USP28: variants seen among roughly 807,000 people sequenced by gnomAD.
USP28 encodes ubiquitin carboxyl-terminal hydrolase 28.
Under a neutral mutation model 145.0 loss-of-function variants are expected in USP28, and 113 were observed. That is an observed-to-expected ratio of 0.78 (90% confidence interval 0.67 to 0.91). The LOEUF (loss-of-function observed/expected upper bound fraction) is 0.91, where lower values mean the gene tolerates loss of function less well. Among genes scored for constraint, USP28 ranks in the 40% least tolerant of loss-of-function variants. The pLI, the probability that USP28 is intolerant of heterozygous loss-of-function variation, is 0.00. For missense variants in USP28, 1,201 were observed against 1,289.6 expected, an observed-to-expected ratio of 0.93 and a Z score of 1.05; for synonymous variants, 447 against 450.9, an observed-to-expected ratio of 0.99 and a Z score of 0.11.
intron 1 of USP28, among the ~76,000 whole-genome samples, chr11:113,857,447 G>T (rs1047856563): frequency 5.9e-5 from 9 of 151,960 alleles, no homozygotes; most frequent in African/African-American, 9.7e-5. Flanking sequence ...AGGTTTTTTG[G>T]TTTTTTTGTT....
Position 113,834,325 on chromosome 11 carries a change from TGAAA to T in USP28, c.541_544del (p.Phe181AsnfsTer43), listed in dbSNP as rs1425302285. 1 of 1,608,208 alleles carries T rather than the reference TGAAA, an allele frequency of 6.2e-7. No individual in the cohort carries two copies. Among genetic ancestry groups the T allele is most frequent in the Non-Finnish European group, 8.5e-7 (1 of 1,177,090 alleles). ...AACAAGTCTTCGAAATTCAGGCAAT[TGAAA>T]GAGAGACTGAAATAAAGAAAGAAAG... On this transcript the variant is annotated frameshift_variant, in exon 6 of 25. Coordinates refer to ENST00000003302, the Ensembl canonical transcript of USP28. LOFTEE classifies it high-confidence loss of function.
intron 15 of USP28, 101 bp from the exon 16 acceptor site, chr11:113,812,605 G>C: frequency 6.9e-6 from 7 of 1,021,316 alleles, no homozygotes; most frequent in Non-Finnish European, 8.6e-6. Context: ...TTAATGTGGG[G>C]TTCATATTAA....
chr11:113,869,253 T>C (rs1205246563), intron 1 of USP28, among the ~76,000 whole-genome samples: 1 of 152,010 alleles, frequency 6.6e-6, no homozygotes, highest in Non-Finnish European at 1.5e-5. Flanking sequence ...GCCAACATGG[T>C]GAAACCCCGT....
chr11:113,874,800 T>A (rs1181944114), intron 1 of USP28: 17 of 1,107,500 alleles, frequency 1.5e-5, no homozygotes, highest in Non-Finnish European at 1.9e-5. Flanking sequence ...TTGATTTCAA[T>A]CTTCTTAGAC....
chr11:113,810,906 C>G (rs1287533474), intron 16 of USP28, among the ~76,000 whole-genome samples: 1 of 152,182 alleles, frequency 6.6e-6, no homozygotes, highest in African/African-American at 2.4e-5. Context: ...AACTCCTGGC[C>G]TCAAGTGATC....
Position 113,875,433 on chromosome 11 carries a change from C to T in USP28, c.57+12G>A. ...CCCGCCCCCAGCTCCCGCTCGCCGCCGCGGAGCCCACCGAGCCGTGGCCGT... is the reference window on the plus strand; with the variant it reads ...CCCGCCCCCAGCTCCCGCTCGCCGCTGCGGAGCCCACCGAGCCGTGGCCGT... On this transcript the variant is annotated intron_variant, in intron 1 of 24. Transcript: ENST00000003302. 1.6e-6 allele frequency: 2 copies of T among 1,246,876 alleles called. No individual in the cohort carries two copies. Among genetic ancestry groups the T allele is most frequent in the Non-Finnish European group, 2.0e-6 (2 of 989,676 alleles). 77.2% of individuals were successfully genotyped at this position (1,246,876 alleles called of 1,614,324 possible).
At chr11:113,827,871 T>C (rs536850354) in intron 10 of USP28, among the ~76,000 whole-genome samples, 3 of 152,334 alleles carry the variant, frequency 2.0e-5, no homozygotes. Flanking sequence ...CCTTTATATA[T>C]ACAAAGGAAA....
At chr11:113,809,105 A>G in exon 17 of USP28, 1 of 1,613,976 alleles carries the variant, frequency 6.2e-7, no homozygotes, top group Non-Finnish European at 8.5e-7. Flanking sequence ...TTGGTGGAGG[A>G]CTCCATTTGA....
intron 9 of USP28, among the ~76,000 whole-genome samples, chr11:113,829,680 C>A (rs531610240): frequency 1.6e-4 from 25 of 152,140 alleles, no homozygotes; most frequent in African/African-American, 5.8e-4. Flanking sequence ...TAAAAATTAT[C>A]CGGGTGCAGT....
At chr11:113,849,918 A>G (rs150331211) in intron 3 of USP28, among the ~76,000 whole-genome samples, 3 of 152,188 alleles carry the variant, frequency 2.0e-5, no homozygotes, top group Admixed American at 2.0e-4. Flanking sequence ...AGACCATGCA[A>G]ATGCTTTCAG....
At chr11:113,843,532 G>A (rs534179097) in intron 3 of USP28, among the ~76,000 whole-genome samples, 10 of 150,936 alleles carry the variant, frequency 6.6e-5, no homozygotes, top group East Asian at 6.0e-4. Context: ...TTAGCCAGGC[G>A]CGGTGGTGTA....
In USP28 at chr11:113,851,798, AAAAGTCC is replaced by A. The variant is rs1411368934; in HGVS notation, c.268+696_268+702del. The stretch of plus-strand genomic sequence containing the variant: ...AGACTCCATCTCAAAAAAAAAAAAA[AAAAGTCC>A]ATCCAATTGGAAATACAGTCCCCAG... On this transcript the variant is annotated intron_variant, in intron 3 of 24. Transcript: ENST00000003302. Among the ~76,000 whole-genome samples, 13 of 151,772 alleles carry A rather than the reference AAAAGTCC, an allele frequency of 8.6e-5. No individual in the cohort carries two copies. In the East Asian group the frequency reaches 2.5e-3, roughly 30 times the overall value.
At chr11:113,819,851 C>G (rs1428349353) in intron 12 of USP28, among the ~76,000 whole-genome samples, 4 of 152,204 alleles carry the variant, frequency 2.6e-5, no homozygotes, top group Non-Finnish European at 5.9e-5. Context: ...TCCCGAGTAG[C>G]TAGGACTACA....
intron 18 of USP28, 59 bp downstream of exon 18, chr11:113,808,239 C>A: frequency 1.3e-6 from 2 of 1,579,444 alleles, no homozygotes; most frequent in Non-Finnish European, 1.7e-6. Flanking sequence ...TGTGAGAAAA[C>A]TGGCCATCGC....
chr11:113,874,401 G>A, intron 1 of USP28: 1 of 997,076 alleles, frequency 1.0e-6, no homozygotes, highest in South Asian at 1.7e-5. Context: ...CTCCAGCCTA[G>A]GCAACAGAGG....
chr11:113,853,928 G>GT (rs1946760234), intron 2 of USP28, among the ~76,000 whole-genome samples: 1 of 150,348 alleles, frequency 6.7e-6, no homozygotes, highest in Admixed American at 6.7e-5. Context: ...ATAACAACAG[G>GT]TTTTTTCAAT....
intron 7 of USP28, 143 bp downstream of exon 7, chr11:113,833,277 G>T: frequency 8.7e-7 from 1 of 1,151,306 alleles, no homozygotes; most frequent in Non-Finnish European, 1.2e-6. Flanking sequence ...CACCTGTTCT[G>T]TAGGCAAAAC....
chr11:113,833,581 C>T (rs752468182), intron 6 of USP28, 24 bp from the exon 7 acceptor site: 1 of 1,588,466 alleles, frequency 6.3e-7, no homozygotes, highest in Admixed American at 1.9e-5. Context: ...AGTACATGTA[C>T]TCTTACAATA....
intron 3 of USP28, among the ~76,000 whole-genome samples, chr11:113,842,937 G>A (rs1355824391): frequency 6.6e-6 from 1 of 152,222 alleles, no homozygotes; most frequent in African/African-American, 2.4e-5. Context: ...GTTCTAGGCA[G>A]GCAATAAGAA....
Sources: allele counts gnomAD v4.1 joint callset (sites outside exome capture counted in the v4.1 genomes callset), GRCh38; gene constraint gnomAD v4.1.1; transcripts MANE v1.5; gene names NCBI Gene and HGNC (gene_info 2026-07-23, HGNC 2026-07-21).